Variants in DSCAML1 observed in about 807,000 individuals in gnomAD.
DSCAML1 encodes the protein DS cell adhesion molecule like 1.
In DSCAML1, 38 loss-of-function variants were observed where a neutral mutation model predicts 200.5. The ratio of observed to expected loss-of-function variants is 0.19; its 90% CI spans 0.15 to 0.25. DSCAML1 has a LOEUF of 0.25. Among genes scored for constraint, DSCAML1 ranks in the 10% least tolerant of loss-of-function variants. The pLI, the probability that DSCAML1 is intolerant of heterozygous loss-of-function variation, is 1.00. For missense variants in DSCAML1, 2,223 were observed against 2,858.8 expected (o/e 0.78, Z 5.07); for synonymous variants, 1,215 against 1,165.0 (o/e 1.04, Z -0.87).
At chr11:117,529,901 T>A (rs138119336) in intron 4 of DSCAML1, among the ~76,000 whole-genome samples, 24 of 152,162 alleles carry the variant, frequency 1.6e-4, no homozygotes, top group Middle Eastern at 3.4e-3. Flanking sequence ...CAGTATCAGT[T>A]GCATTTTTGC....
At chr11:117,759,872 C>T (rs543493620) in intron 3 of DSCAML1, among the ~76,000 whole-genome samples, 1 of 152,272 alleles carries the variant, frequency 6.6e-6, no homozygotes, top group Middle Eastern at 3.4e-3. Flanking sequence ...CATTTCTTCC[C>T]CTCCTGTATT....
chr11:117,638,794 G>A (rs116791022), intron 3 of DSCAML1, among the ~76,000 whole-genome samples: 1,968 of 152,224 alleles, frequency 0.013, 42 homozygotes, highest in African/African-American at 0.045. Context: ...ATGGACATTT[G>A]TGTTGTTTCT....
intron 3 of DSCAML1, among the ~76,000 whole-genome samples, chr11:117,669,296 G>A (rs1467655809): frequency 6.6e-6 from 1 of 152,212 alleles, no homozygotes; most frequent in African/African-American, 2.4e-5. Flanking sequence ...ACCAGGGTGG[G>A]CAGATGGTCT....
At chr11:117,708,521 G>A (rs964956479) in intron 3 of DSCAML1, among the ~76,000 whole-genome samples, 1 of 152,206 alleles carries the variant, frequency 6.6e-6, no homozygotes, top group African/African-American at 2.4e-5. Flanking sequence ...CCATCTCAAA[G>A]TCTGTTGTGA....
At chr11:117,710,023 C>T (rs996052633) in intron 3 of DSCAML1, among the ~76,000 whole-genome samples, 2 of 152,152 alleles carry the variant, frequency 1.3e-5, no homozygotes, top group Non-Finnish European at 2.9e-5. Flanking sequence ...ATGGCTGTCC[C>T]CTCTGCAAGG....
At chr11:117,615,310 T>C (rs966091313) in intron 3 of DSCAML1, among the ~76,000 whole-genome samples, 18 of 152,228 alleles carry the variant, frequency 1.2e-4, no homozygotes, top group Non-Finnish European at 1.3e-4. Flanking sequence ...CTGAGCTGTC[T>C]TCTTTTGCAC....
At chr11:117,565,090 T>C (rs539319543) in intron 3 of DSCAML1, among the ~76,000 whole-genome samples, 1 of 152,292 alleles carries the variant, frequency 6.6e-6, no homozygotes, top group Admixed American at 6.5e-5. Flanking sequence ...AATGACGACC[T>C]GACCACCTGT....
Position 117,803,172 on chromosome 11 carries a change from C to T in DSCAML1, c.-250+14218G>A, listed in dbSNP as rs138204716. On this transcript the variant is annotated intron_variant, in intron 1 of 2. Transcript: ENST00000525836. ...TGGCTTGCAGGAACACTCCTATCAC[C>T]GACTGGGCCAGCTCACTGCGCTTTG... Among the ~76,000 whole-genome samples, 48 of 151,986 alleles carry T rather than the reference C, an allele frequency of 3.2e-4. No homozygotes were observed. The East Asian group carries it at 7.4e-3, about 23-fold the overall frequency.
At chr11:117,704,028 G>A (rs865868382) in intron 3 of DSCAML1, among the ~76,000 whole-genome samples, 13 of 151,772 alleles carry the variant, frequency 8.6e-5, no homozygotes, top group Non-Finnish European at 1.5e-4. Flanking sequence ...GATCACCCAT[G>A]AGACTCTAAA....
chr11:117,774,638 G>C (rs2055098816), intron 3 of DSCAML1, among the ~76,000 whole-genome samples: 1 of 152,102 alleles, frequency 6.6e-6, no homozygotes, highest in Admixed American at 6.5e-5. Context: ...ACATCAATTT[G>C]TTCCCCTTCC....
intron 3 of DSCAML1, among the ~76,000 whole-genome samples, chr11:117,721,006 C>T (rs150777516): frequency 2.0e-5 from 3 of 152,268 alleles, no homozygotes; most frequent in East Asian, 1.9e-4. Context: ...TCATCCTCAA[C>T]GTTTGTCCAA....
chr11:117,785,570 G>A (rs1455847412), intron 1 of DSCAML1, among the ~76,000 whole-genome samples: 2 of 152,146 alleles, frequency 1.3e-5, no homozygotes, highest in African/African-American at 4.8e-5. Context: ...AAGGCAGTGG[G>A]GGATATGTGG....
At chr11:117,532,588 C>A in intron 3 of DSCAML1, 66 bp from the exon 4 acceptor site, 1 of 1,479,422 alleles carries the variant, frequency 6.8e-7, no homozygotes, top group Non-Finnish European at 9.2e-7. Flanking sequence ...GGCAGGGTAG[C>A]GTCTCTGACA....
At chr11:117,722,964 C>T (rs948135193) in intron 3 of DSCAML1, among the ~76,000 whole-genome samples, 9 of 152,150 alleles carry the variant, frequency 5.9e-5, no homozygotes, top group Non-Finnish European at 7.3e-5. Context: ...CAAGGGGTTA[C>T]GAGTATAGGT....
intron 19 of DSCAML1, among the ~76,000 whole-genome samples, chr11:117,457,574 A>G (rs1003999767): frequency 2.4e-4 from 37 of 152,258 alleles, no homozygotes; most frequent in African/African-American, 8.9e-4. Flanking sequence ...GGGAGGATTA[A>G]TGACAGGAAA....
chr11:117,678,035 A>G (rs1182741818), intron 3 of DSCAML1, among the ~76,000 whole-genome samples: 1 of 152,250 alleles, frequency 6.6e-6, no homozygotes, highest in African/African-American at 2.4e-5. Context: ...CATTGCCTGC[A>G]TGGGGAGCAG....
intron 3 of DSCAML1, among the ~76,000 whole-genome samples, chr11:117,696,025 G>A (rs1007971853): frequency 6.6e-6 from 1 of 152,202 alleles, no homozygotes; most frequent in African/African-American, 2.4e-5. Context: ...CACTGGAGAA[G>A]AGCTTGAAAA....
intron 1 of DSCAML1, among the ~76,000 whole-genome samples, chr11:117,786,212 G>T (rs781037670): frequency 1.3e-5 from 2 of 152,194 alleles, no homozygotes; most frequent in Non-Finnish European, 2.9e-5. Context: ...GCTTCTTCTG[G>T]TCAAAGGGGG....
chr11:117,629,872 T>C (rs117445862), intron 3 of DSCAML1, among the ~76,000 whole-genome samples: 2,411 of 152,276 alleles, frequency 0.016, 32 homozygotes, highest in East Asian at 0.059. Flanking sequence ...TGGTGGCATA[T>C]GCCTGTAGCC....
Sources: allele counts gnomAD v4.1 joint callset (sites outside exome capture counted in the v4.1 genomes callset), GRCh38; gene constraint gnomAD v4.1.1; transcripts MANE v1.5; gene names NCBI Gene and HGNC (gene_info 2026-07-23, HGNC 2026-07-21).